DTNBP1: variants seen among roughly 807,000 people sequenced by gnomAD.
The protein encoded by DTNBP1 is dystrobrevin binding protein 1.
In DTNBP1, 35 loss-of-function variants were observed where a neutral mutation model predicts 42.8. The observed-to-expected ratio is 0.82, with a 90% confidence interval of 0.63 to 1.09. The LOEUF is 1.09. DTNBP1 is among the 50% of genes least tolerant of loss of function. The pLI is 0.00. For synonymous variants in DTNBP1, 171 were observed against 162.2 expected (o/e 1.05, Z -0.41); for missense variants, 457 against 424.2 (o/e 1.08, Z -0.68).
chr6:15,589,080 A>C (rs992821973), intron 7 of DTNBP1, among the ~76,000 whole-genome samples: 1 of 152,228 alleles, frequency 6.6e-6, no homozygotes, highest in Non-Finnish European at 1.5e-5. Context: ...TCACACGTTA[A>C]GCCAACTCTT....
chr6:15,583,890 T>A (rs1017418304), intron 7 of DTNBP1, among the ~76,000 whole-genome samples: 2 of 152,194 alleles, frequency 1.3e-5, no homozygotes, highest in Non-Finnish European at 2.9e-5. Context: ...TATTTTTATG[T>A]AGTTTAATAC....
intron 5 of DTNBP1, among the ~76,000 whole-genome samples, chr6:15,624,625 G>T (rs1759232743): frequency 6.6e-6 from 1 of 152,182 alleles, no homozygotes; most frequent in African/African-American, 2.4e-5. Context: ...GGACTGACAG[G>T]ATATGGTGTT....
intron 6 of DTNBP1, among the ~76,000 whole-genome samples, chr6:15,601,677 C>T: frequency 6.9e-6 from 1 of 145,916 alleles, no homozygotes; most frequent in African/African-American, 2.6e-5. Flanking sequence ...AACCCCGTCT[C>T]TACTAAAAAA....
chr6:15,533,921 G>A (rs982588879), intron 7 of DTNBP1, among the ~76,000 whole-genome samples: 1 of 152,190 alleles, frequency 6.6e-6, no homozygotes, highest in African/African-American at 2.4e-5. Flanking sequence ...AGCTCTCAAG[G>A]TATGTTTGTT....
intron 5 of DTNBP1, among the ~76,000 whole-genome samples, chr6:15,618,913 C>T (rs757471034): frequency 2.6e-5 from 4 of 152,184 alleles, no homozygotes; most frequent in Non-Finnish European, 4.4e-5. Context: ...GATTTAAGTA[C>T]TATCATTCGC....
chr6:15,648,146 C>T (rs761952346), intron 3 of DTNBP1, among the ~76,000 whole-genome samples: 7 of 151,858 alleles, frequency 4.6e-5, no homozygotes, highest in Non-Finnish European at 7.4e-5. Context: ...ATTGGTAGAA[C>T]GAAAGGAAAA....
At chr6:15,613,848 C>G (rs957198564) in intron 6 of DTNBP1, among the ~76,000 whole-genome samples, 1 of 152,140 alleles carries the variant, frequency 6.6e-6, no homozygotes, top group African/African-American at 2.4e-5. Context: ...ACCCAATCTC[C>G]CATCCCTGCC....
chr6:15,618,342 A>T (rs1221548742), intron 5 of DTNBP1, among the ~76,000 whole-genome samples: 2 of 152,124 alleles, frequency 1.3e-5, no homozygotes, highest in Non-Finnish European at 2.9e-5. Flanking sequence ...AGCTATTGCC[A>T]CATGGAAATA....
At chr6:15,599,926 A>G (rs1404305627) in intron 6 of DTNBP1, among the ~76,000 whole-genome samples, 1 of 152,170 alleles carries the variant, frequency 6.6e-6, no homozygotes, top group African/African-American at 2.4e-5. Flanking sequence ...CCTACCATTA[A>G]TTATCACCAA....
chr6:15,592,251 G>A (rs748656703), intron 7 of DTNBP1, among the ~76,000 whole-genome samples: 7 of 152,196 alleles, frequency 4.6e-5, no homozygotes, highest in Non-Finnish European at 1.0e-4. Flanking sequence ...TATACGTGAA[G>A]TATAATAAGC....
intron 7 of DTNBP1, among the ~76,000 whole-genome samples, chr6:15,547,979 T>C (rs1462402444): frequency 1.3e-5 from 2 of 152,150 alleles, no homozygotes; most frequent in Non-Finnish European, 2.9e-5. Context: ...AAAAAATACA[T>C]ACAAGCAAAG....
intron 8 of DTNBP1, among the ~76,000 whole-genome samples, chr6:15,524,943 C>T (rs1435044948): frequency 2.0e-5 from 3 of 152,216 alleles, no homozygotes; most frequent in Non-Finnish European, 4.4e-5. Flanking sequence ...TTAAGTGAGT[C>T]CCGGCTGTTT....
At chr6:15,605,912 T>C (rs978694142) in intron 6 of DTNBP1, among the ~76,000 whole-genome samples, 3 of 152,216 alleles carry the variant, frequency 2.0e-5, no homozygotes, top group Non-Finnish European at 2.9e-5. Flanking sequence ...CAAGGCAATG[T>C]CCGTTCCAGT....
intron 7 of DTNBP1, among the ~76,000 whole-genome samples, chr6:15,545,296 A>G (rs1441493688): frequency 1.3e-5 from 2 of 152,218 alleles, no homozygotes; most frequent in Non-Finnish European, 2.9e-5. Context: ...GCCTTCATCA[A>G]TAATTAGTTT....
rs376483663 is a variant in DTNBP1 at position 15,630,788 on chromosome 6, T to C, written c.223-3313A>G. On this transcript the variant is annotated intron_variant, in intron 4 of 9. Transcript: ENST00000344537. The stretch of plus-strand genomic sequence containing the variant: ...AAAATTAGCTGGGCATGGTGGCATA[T>C]GTGCCTGTAGTCCCAGCTACTCGGG... Among the ~76,000 whole-genome samples the C allele has an allele frequency of 7.2e-5, 11 of 152,142 alleles. No individual in the cohort carries two copies. The South Asian group carries it at 1.9e-3, about 26-fold the overall frequency.
At chr6:15,548,681 T>C (rs146669684) in intron 7 of DTNBP1, among the ~76,000 whole-genome samples, 263 of 152,298 alleles carry the variant, frequency 1.7e-3, no homozygotes, top group African/African-American at 6.2e-3. Flanking sequence ...TTGGCTGCTA[T>C]GTTACAAAAG....
At chr6:15,585,165 C>G (rs1249673617) in intron 7 of DTNBP1, among the ~76,000 whole-genome samples, 3 of 142,294 alleles carry the variant, frequency 2.1e-5, no homozygotes, top group African/African-American at 7.9e-5. Flanking sequence ...TGAAAATCAG[C>G]CATTTTAGAT....
intron 1 of DTNBP1, among the ~76,000 whole-genome samples, chr6:15,656,460 G>C (rs1761287553): frequency 6.6e-6 from 1 of 152,150 alleles, no homozygotes; most frequent in Non-Finnish European, 1.5e-5. Flanking sequence ...ATGTCTTTGA[G>C]CTTTGTAGAA....
In DTNBP1 at chr6:15,587,045, T is replaced by G. The variant is rs766600805; in HGVS notation, c.511+6014A>C. Among the ~76,000 whole-genome samples, 3 of 152,190 alleles carry G rather than the reference T, an allele frequency of 2.0e-5. No individual in the cohort carries two copies. Among genetic ancestry groups the G allele is most frequent in the Non-Finnish European group, 2.9e-5 (2 of 68,030 alleles). On this transcript the variant is annotated intron_variant, in intron 7 of 9. Transcript: ENST00000344537. The surrounding 1 kb of genome is among the most constrained non-coding windows in gnomAD (Gnocchi z 4.1). Reference sequence around the variant, plus strand: ...CAAACCCCGGGCTTCCATTCCCACCTACATGCTGGCTACTCTCAAATCTAG... The same window carrying G: ...CAAACCCCGGGCTTCCATTCCCACCGACATGCTGGCTACTCTCAAATCTAG...
Sources: allele counts gnomAD v4.1 joint callset (sites outside exome capture counted in the v4.1 genomes callset), GRCh38; gene constraint gnomAD v4.1.1; non-coding constraint Gnocchi (gnomAD v3.1); transcripts MANE v1.5; gene names NCBI Gene and HGNC (gene_info 2026-07-23, HGNC 2026-07-21).